RPS6KC1: variants seen among roughly 807,000 people sequenced by gnomAD.
RPS6KC1 encodes ribosomal protein S6 kinase C1.
In RPS6KC1, 54 loss-of-function variants were observed where a neutral mutation model predicts 103.8. The ratio of observed to expected loss-of-function variants is 0.52; its 90% CI spans 0.42 to 0.65. RPS6KC1 has a LOEUF of 0.65. Among genes scored for constraint, RPS6KC1 ranks in the 30% least tolerant of loss-of-function variants. The pLI, the probability that RPS6KC1 is intolerant of heterozygous loss-of-function variation, is 0.00. For synonymous variants in RPS6KC1, 439 were observed against 438.7 expected (o/e 1.00, Z -0.01); for missense variants, 1,151 against 1,253.8 (o/e 0.92, Z 1.24).
At chr1:213,511,925 G>T in the RPS6KC1 span, among the ~76,000 whole-genome samples, 1 of 152,088 alleles carries the variant, frequency 6.6e-6, no homozygotes, top group Non-Finnish European at 1.5e-5. Context: ...CTCCATAAAT[G>T]GTACAGAGTT....
intron 8 of RPS6KC1, among the ~76,000 whole-genome samples, chr1:213,213,875 T>TA (rs998613608): frequency 6.6e-6 from 1 of 152,184 alleles, no homozygotes; most frequent in Admixed American, 6.5e-5. Flanking sequence ...CTATGATTTT[T>TA]AAAAAACCAT....
At chr1:213,132,964 A>G (rs2085815842) in intron 6 of RPS6KC1, among the ~76,000 whole-genome samples, 1 of 152,168 alleles carries the variant, frequency 6.6e-6, no homozygotes, top group African/African-American at 2.4e-5. Flanking sequence ...TTTAACTGGT[A>G]TTTGCACAGC....
the RPS6KC1 span, among the ~76,000 whole-genome samples, chr1:213,590,785 G>A: frequency 5.3e-5 from 8 of 152,048 alleles, no homozygotes; most frequent in Admixed American, 6.6e-5. Flanking sequence ...TGGTGGCGGC[G>A]AGTCCTTCAT....
chr1:213,650,640 G>A, the RPS6KC1 span, among the ~76,000 whole-genome samples: 1 of 152,252 alleles, frequency 6.6e-6, no homozygotes, highest in South Asian at 2.1e-4. Context: ...GAACTGTTTG[G>A]AATTGGGATC....
chr1:213,424,376 A>C, the RPS6KC1 span, among the ~76,000 whole-genome samples: 12 of 152,230 alleles, frequency 7.9e-5, no homozygotes, highest in Non-Finnish European at 1.3e-4. Context: ...ACACACATGA[A>C]AAAAAAGTAG....
At chr1:213,730,044 A>G in the RPS6KC1 span, among the ~76,000 whole-genome samples, 3 of 152,128 alleles carry the variant, frequency 2.0e-5, no homozygotes, top group Non-Finnish European at 4.4e-5. Flanking sequence ...CTCTTCTGGC[A>G]TTAGTTTGCT....
the RPS6KC1 span, among the ~76,000 whole-genome samples, chr1:213,449,652 G>C: frequency 6.6e-6 from 1 of 152,176 alleles, no homozygotes. Flanking sequence ...ACACAATTCA[G>C]TCTATAACAA....
At chr1:213,416,591 G>A in the RPS6KC1 span, among the ~76,000 whole-genome samples, 4 of 152,286 alleles carry the variant, frequency 2.6e-5, 1 homozygote, top group South Asian at 8.3e-4. Context: ...CTTTCCCAAG[G>A]AAATGCTTCC....
chr1:213,282,151 C>T, the RPS6KC1 span, among the ~76,000 whole-genome samples: 1 of 152,198 alleles, frequency 6.6e-6, no homozygotes, highest in Non-Finnish European at 1.5e-5. Flanking sequence ...GTGGCTGAGC[C>T]TACTGATGGG....
chr1:213,108,647 T>A (rs1383815519), intron 4 of RPS6KC1, among the ~76,000 whole-genome samples: 3 of 151,414 alleles, frequency 2.0e-5, no homozygotes, highest in Non-Finnish European at 4.4e-5. Flanking sequence ...TTTTATTATT[T>A]TACTTCTTTT....
the RPS6KC1 span, among the ~76,000 whole-genome samples, chr1:213,627,901 C>A: frequency 6.6e-6 from 1 of 152,310 alleles, no homozygotes; most frequent in East Asian, 1.9e-4. Flanking sequence ...TGTTGCATCT[C>A]TGCCAGGCTT....
At chr1:213,550,425 C>T in the RPS6KC1 span, among the ~76,000 whole-genome samples, 3 of 152,056 alleles carry the variant, frequency 2.0e-5, no homozygotes, top group Non-Finnish European at 4.4e-5. Context: ...TACTAAAGGA[C>T]ATTAATTGAG....
At chr1:213,247,562 A>C (rs557203571) in intron 12 of RPS6KC1, among the ~76,000 whole-genome samples, 119 of 152,348 alleles carry the variant, frequency 7.8e-4, no homozygotes, top group Non-Finnish European at 1.4e-3. Context: ...TCTTGAGGCT[A>C]TCAGAAGTTT....
At chr1:213,406,835 C>T in the RPS6KC1 span, among the ~76,000 whole-genome samples, 1 of 152,122 alleles carries the variant, frequency 6.6e-6, no homozygotes, top group African/African-American at 2.4e-5. Flanking sequence ...GAGTATCGTG[C>T]CACATTGTTA....
At chr1:213,152,196 C>T (rs1416346671) in intron 6 of RPS6KC1, among the ~76,000 whole-genome samples, 4 of 142,698 alleles carry the variant, frequency 2.8e-5, no homozygotes, top group Admixed American at 6.8e-5. Context: ...CCCCCCACCT[C>T]CCTCCTGGAC....
chr1:213,216,131 C>T (rs1028273057), intron 8 of RPS6KC1, among the ~76,000 whole-genome samples: 19 of 152,006 alleles, frequency 1.2e-4, no homozygotes, highest in Admixed American at 1.2e-3. Flanking sequence ...TTCAGGAAAC[C>T]CATCTCACAT....
the RPS6KC1 span, among the ~76,000 whole-genome samples, chr1:213,726,214 C>T: frequency 2.0e-5 from 3 of 152,108 alleles, no homozygotes; most frequent in Non-Finnish European, 2.9e-5. Flanking sequence ...AGCCTGGGCA[C>T]ATCTGGGACT....
At chr1:213,251,020 A>G (rs2094535542) in intron 12 of RPS6KC1, among the ~76,000 whole-genome samples, 1 of 152,144 alleles carries the variant, frequency 6.6e-6, no homozygotes, top group Admixed American at 6.5e-5. Context: ...TTAGGTGCCT[A>G]AATTCCTTTA....
At chr1:213,588,580 T>A in the RPS6KC1 span, among the ~76,000 whole-genome samples, 1 of 152,124 alleles carries the variant, frequency 6.6e-6, no homozygotes, top group Admixed American at 6.6e-5. Flanking sequence ...ATTACAGGCG[T>A]GAGACACCAT....
Sources: allele counts gnomAD v4.1 joint callset (sites outside exome capture counted in the v4.1 genomes callset), GRCh38; gene constraint gnomAD v4.1.1; transcripts MANE v1.5; gene names NCBI Gene and HGNC (gene_info 2026-07-23, HGNC 2026-07-21).